Variants in UVSSA observed in about 807,000 individuals in gnomAD.
The protein encoded by UVSSA is UV-stimulated scaffold protein A.
Under a neutral mutation model 73.9 loss-of-function variants are expected in UVSSA, and 72 were observed. The observed-to-expected ratio is 0.97, with a 90% CI of 0.81 to 1.19. UVSSA has a LOEUF of 1.19. UVSSA is among the 50% of genes most tolerant of loss of function. The pLI is 0.00. For synonymous variants in UVSSA, 454 were observed against 391.3 expected (o/e 1.16, Z -1.89); for missense variants, 1,150 against 965.0 (o/e 1.19, Z -2.54).
chr4:1,372,543 G>A (rs1221774920), intron 8 of UVSSA, among the ~76,000 whole-genome samples: 5 of 152,116 alleles, frequency 3.3e-5, no homozygotes, highest in African/African-American at 7.2e-5. Flanking sequence ...CTCTCCCCAC[G>A]TGTGGCCTCC....
exon 14 of UVSSA, chr4:1,394,038 A>C: frequency 4.1e-6 from 1 of 242,516 alleles, no homozygotes; most frequent in South Asian, 5.6e-5. Flanking sequence ...GCTGACACGC[A>C]GTTGATATGT....
At chr4:1,372,337 C>T (rs1216472550) in intron 8 of UVSSA, among the ~76,000 whole-genome samples, 1 of 152,186 alleles carries the variant, frequency 6.6e-6, no homozygotes, top group Non-Finnish European at 1.5e-5. Context: ...GTCACGCGTC[C>T]ATCCATGGCA....
intron 12 of UVSSA, among the ~76,000 whole-genome samples, chr4:1,382,553 G>A (rs996300345): frequency 6.6e-5 from 10 of 152,218 alleles, no homozygotes; most frequent in Non-Finnish European, 1.2e-4. Flanking sequence ...TCACTGAGAC[G>A]CTCGCTCCAT....
In UVSSA at chr4:1,380,974, A is replaced by T. The variant is rs1719426109; in HGVS notation, c.1847A>T (p.Lys616Met). The change falls in exon 12 of 14, where the codon AAG (lysine) becomes ATG (methionine). Residue 616 changes from lysine to methionine, a missense_variant. Coordinates refer to ENST00000389851, the MANE Select transcript of UVSSA (RefSeq NM_020894.4). ...CGTGAGCAGCGGCGGCAGCTGCAGA[A>T]GCAGGAGCGCCCGGGTAGGTCTGGG... ...RAREQRRQLQ[K>M]QERPEWQDPE... 2 of 1,612,410 alleles carry T rather than the reference A, an allele frequency of 1.2e-6. No homozygotes were observed. Among genetic ancestry groups the T allele is most frequent in the Non-Finnish European group, 1.7e-6 (2 of 1,179,886 alleles).
intron 8 of UVSSA, among the ~76,000 whole-genome samples, chr4:1,374,140 G>A (rs939538362): frequency 2.0e-5 from 3 of 152,244 alleles, no homozygotes; most frequent in African/African-American, 7.2e-5. Context: ...GCTCTCCGAA[G>A]TCTGGCTTCC....
exon 14 of UVSSA, chr4:1,393,578 A>AT (rs753182271): frequency 9.9e-5 from 9 of 90,534 alleles, no homozygotes; most frequent in East Asian, 4.4e-4. Context: ...GATAGATTAG[A>AT]TAGATAGATA....
At chr4:1,357,728 G>A (rs1002851938) in intron 7 of UVSSA, among the ~76,000 whole-genome samples, 4 of 145,358 alleles carry the variant, frequency 2.8e-5, no homozygotes, top group Non-Finnish European at 4.5e-5. Context: ...GGCTCCTGCC[G>A]TGTGTGGGCT....
chr4:1,380,819 G>A, intron 11 of UVSSA, 61 bp from the exon 12 acceptor site: 10 of 1,594,582 alleles, frequency 6.3e-6, no homozygotes, highest in South Asian at 1.1e-5. Flanking sequence ...GGTGGTGGGG[G>A]GAGGTGGTCA....
chr4:1,348,307 A>C, intron 2 of UVSSA, 118 bp downstream of exon 2: 1 of 770,276 alleles, frequency 1.3e-6, no homozygotes, highest in South Asian at 1.6e-5. Flanking sequence ...CACCCAGGAC[A>C]TTTTCTCGGG....
intron 10 of UVSSA, among the ~76,000 whole-genome samples, chr4:1,378,785 C>A: frequency 6.6e-6 from 1 of 152,202 alleles, no homozygotes; most frequent in Non-Finnish European, 1.5e-5. Context: ...GGTCAGGCAC[C>A]CTCGGGGGAG....
downstream of UVSSA, chr4:1,389,287 A>G (rs1049888785): frequency 3.3e-5 from 5 of 152,030 alleles, no homozygotes; most frequent in African/African-American, 1.2e-4. Context: ...CCTCAGACTC[A>G]TGGGCCCAAG....
rs568733396 is a variant in UVSSA at position 1,380,657 on chromosome 4, C to T, written c.1753-223C>T. On this transcript the variant is annotated intron_variant, in intron 11 of 13. Coordinates refer to ENST00000389851, the MANE Select transcript of UVSSA (RefSeq NM_020894.4). ...GAGGCCTAGACTTTCCACAGCTGCC[C>T]AAGACCTTCCGGCTCCAGAGGAGGG... The T allele has an allele frequency of 3.9e-5, 59 of 1,530,902 alleles. 1 individual carries two copies. The African/African-American group carries it at 6.9e-4, about 18-fold the overall frequency. The allele number at this position is 1,530,902 out of a possible 1,614,324, so 94.8% of individuals were successfully genotyped here.
At chr4:1,370,456 G>A (rs1402640026) in intron 8 of UVSSA, among the ~76,000 whole-genome samples, 1 of 152,274 alleles carries the variant, frequency 6.6e-6, no homozygotes, top group Non-Finnish European at 1.5e-5. Flanking sequence ...CACCTGCTCT[G>A]TGTGGCTCTG....
At chr4:1,395,862 G>A (rs780420861) in exon 14 of UVSSA, 9 of 1,609,752 alleles carry the variant, frequency 5.6e-6, no homozygotes, top group Admixed American at 1.7e-5. Context: ...GGAATATTAG[G>A]GATGAGATGG....
At chr4:1,379,343 C>T (rs1042103220) in intron 10 of UVSSA, among the ~76,000 whole-genome samples, 1 of 152,206 alleles carries the variant, frequency 6.6e-6, no homozygotes, top group Admixed American at 6.5e-5. Flanking sequence ...CCTGGGCATC[C>T]AGGTGGGCAG....
Position 1,353,380 on chromosome 4 carries a change from C to G in UVSSA, c.901C>G (p.His301Asp), listed in dbSNP as rs894587298. Residue 301 changes from histidine (H) to aspartate (D), a missense_variant, in exon 5 of 14, where the codon CAC becomes GAC. By Grantham distance (81) the His-to-Asp change is moderately conservative. Transcript: ENST00000389851. Reference sequence around the variant, plus strand: ...TGTGCGGAGCCACGGGCTGGGCTCGCACAAGTACACGCTGGATGTGGAGCT... The same window carrying G: ...TGTGCGGAGCCACGGGCTGGGCTCGGACAAGTACACGCTGGATGTGGAGCT... ...EFVRSHGLGS[H>D]KYTLDVELCS... 5.0e-6 allele frequency: 8 copies of G among 1,596,394 alleles called. No individual in the cohort carries two copies. Among genetic ancestry groups the G allele is most frequent in the Non-Finnish European group, 6.0e-6 (7 of 1,171,836 alleles).
At chr4:1,349,260 A>G (rs1403796472) in intron 2 of UVSSA, among the ~76,000 whole-genome samples, 1 of 152,204 alleles carries the variant, frequency 6.6e-6, no homozygotes, top group Non-Finnish European at 1.5e-5. Flanking sequence ...TGAAGTGTAT[A>G]TGATTTTCAC....
intron 10 of UVSSA, among the ~76,000 whole-genome samples, chr4:1,376,651 C>T (rs1718805774): frequency 6.6e-6 from 1 of 152,212 alleles, no homozygotes; most frequent in African/African-American, 2.4e-5. Flanking sequence ...CCTCACCGCA[C>T]TGGCCTCTTC....
Position 1,349,960 on chromosome 4 carries a change from G to A in UVSSA, c.429+106G>A, listed in dbSNP as rs549702058. The A allele has an allele frequency of 5.4e-6, 6 of 1,108,170 alleles. No individual in the cohort carries two copies. In the East Asian group the frequency reaches 1.0e-4, roughly 19 times the overall value. The allele number at this position is 1,108,170 out of a possible 1,614,324, so 68.6% of individuals were successfully genotyped here. On this transcript the variant is annotated intron_variant, in intron 3 of 13. Transcript: ENST00000389851. ...TCCTGTTGAACCTAGCACAGCAGGG[G>A]CCTGCTTGGCCTTGCCTGAACACCC...
Sources: gnomAD v4.1 joint callset for allele counts (sites outside exome capture counted in the v4.1 genomes callset) on GRCh38, gnomAD v4.1.1 for gene constraint, MANE v1.5 for transcripts, NCBI Gene and HGNC (gene_info 2026-07-23, HGNC 2026-07-21) for gene names.